The following ZNF692 variants were observed in gnomAD, a reference collection of about 807,000 sequenced individuals.
The protein encoded by ZNF692 is zinc finger protein 692, also known as AICAR responsive element binding protein.
ZNF692 carries 41 observed loss-of-function variants against 49.0 expected under a neutral mutation model. That is an observed-to-expected ratio of 0.84 (90% CI 0.65 to 1.08). The LOEUF is 1.08. Ranked by LOEUF, ZNF692 falls within the 50% of genes least tolerant of loss-of-function variation. The probability of loss-of-function intolerance (pLI) is 0.00; values close to 1 mark genes in which losing one functional copy is unlikely to be tolerated. For missense variants in ZNF692, 662 were observed against 662.2 expected, an observed-to-expected ratio of 1.00 and a Z score of 0.00; for synonymous variants, 288 against 251.5, an observed-to-expected ratio of 1.15 and a Z score of -1.37.
Position 248,858,243 on chromosome 1 carries a change from G to A in ZNF692, c.67C>T (p.Arg23Cys). The change falls in exon 2 of 12, where the codon CGC becomes TGC. Residue 23 changes from arginine to cysteine, a missense_variant. Physicochemically the swap from Arg to Cys is radical, Grantham distance 180. Transcript: ENST00000306601. The surrounding 1 kb of genome is among the most constrained non-coding windows in gnomAD (Gnocchi z 4.3). The part of the protein sequence containing the change: ...RREKRRQLDA[R>C]RSKCRIRLGG... Reference sequence around the variant, plus strand: ...AGGCGGATGCGGCACTTGCTGCGGCGCGCGTCCAGCTGCCGCCGCTTCTCC... The same window carrying A: ...AGGCGGATGCGGCACTTGCTGCGGCACGCGTCCAGCTGCCGCCGCTTCTCC... 1.9e-6 allele frequency: 3 copies of A among 1,586,042 alleles called. No individual in the cohort carries two copies. Among genetic ancestry groups the A allele is most frequent in the East Asian group, 2.3e-5 (1 of 43,808 alleles).
chr1:248,858,597 G>C lies in ZNF692; in HGVS notation c.-12-276C>G. The stretch of plus-strand genomic sequence containing the variant: ...CCCTCCAGTCCACTGAAGTGGAGCT[G>C]TGGGGAAGGGGCGAGAGACTTTCAC... On this transcript the variant is annotated intron_variant, in intron 1 of 11. Transcript: ENST00000306601. The surrounding 1 kb of genome is among the most constrained non-coding windows in gnomAD (Gnocchi z 4.3). 1 of 1,534,892 alleles carries C rather than the reference G, an allele frequency of 6.5e-7. No homozygotes were observed.
At position 248,858,634 on chromosome 1, in the gene ZNF692, A is replaced by C. The variant is rs1019015524; in HGVS notation, c.-13+284T>G. On this transcript the variant is annotated intron_variant, in intron 1 of 11. Transcript: ENST00000306601. The surrounding 1 kb of genome is among the most constrained non-coding windows in gnomAD (Gnocchi z 4.3). ...CGAGAGACTTTCACGGGAAATTTCAACTGGGCTGGGGGCGGTCCACACATT... is the reference window on the plus strand; with the variant it reads ...CGAGAGACTTTCACGGGAAATTTCACCTGGGCTGGGGGCGGTCCACACATT... 3 of 1,383,950 alleles carry C rather than the reference A, an allele frequency of 2.2e-6. No homozygotes were observed. Among genetic ancestry groups the C allele is most frequent in the South Asian group, 1.2e-5 (1 of 80,762 alleles). The allele number at this position is 1,383,950 out of a possible 1,614,324, so 85.7% of individuals were successfully genotyped here.
At position 248,858,677 on chromosome 1, in the gene ZNF692, G is replaced by T. The variant is rs1199890900; in HGVS notation, c.-13+241C>A. ...CACACATTTCATCTTGAATAGGGCA[G>T]CGGCCTTTACTGGTTTCTAGGGGAA... On this transcript the variant is annotated intron_variant, in intron 1 of 11. Coordinates refer to ENST00000306601, the MANE Select transcript of ZNF692 (RefSeq NM_017865.4). This position sits in a 1 kb window ranked among gnomAD's most constrained non-coding sequence, Gnocchi z 4.3. 1.1e-6 allele frequency: 1 copy of T among 935,926 alleles called. No individual in the cohort carries two copies. Among genetic ancestry groups the T allele is most frequent in the Non-Finnish European group, 1.7e-6 (1 of 595,374 alleles). The allele number at this position is 935,926 out of a possible 1,614,324, so 58.0% of individuals were successfully genotyped here.
At position 248,858,703 on chromosome 1, in the gene ZNF692, G is replaced by A; in HGVS notation, c.-13+215C>T. The A allele has an allele frequency of 1.3e-6, 1 of 770,280 alleles. No homozygotes were observed. Among genetic ancestry groups the A allele is most frequent in the Non-Finnish European group, 2.2e-6 (1 of 459,138 alleles). 47.7% of individuals were successfully genotyped at this position (770,280 alleles called of 1,614,324 possible). A position where few individuals can be genotyped will look rare whatever the true frequency, so the allele number is the denominator to read the frequency against. Reference sequence around the variant, plus strand: ...CGGCCTTTACTGGTTTCTAGGGGAAGGAAAGGTCGTGTCCTGGCGTGCAGC... The same window carrying A: ...CGGCCTTTACTGGTTTCTAGGGGAAAGAAAGGTCGTGTCCTGGCGTGCAGC... On this transcript the variant is annotated intron_variant, in intron 1 of 11. Coordinates refer to ENST00000306601, the MANE Select transcript of ZNF692 (RefSeq NM_017865.4). This position sits in a 1 kb window ranked among gnomAD's most constrained non-coding sequence, Gnocchi z 4.3.
intron 9 of ZNF692, 187 bp from the exon 10 acceptor site, chr1:248,854,238 A>T: frequency 1.8e-6 from 1 of 570,130 alleles, no homozygotes; most frequent in South Asian, 2.0e-5. Context: ...CACCATGAGT[A>T]CCACACCCAT....
intron 10 of ZNF692, among the ~76,000 whole-genome samples, chr1:248,852,218 T>C (rs1247077772): frequency 6.6e-6 from 1 of 152,122 alleles, no homozygotes; most frequent in Non-Finnish European, 1.5e-5. Context: ...CAGAAGACAT[T>C]TCACACCACC....
intron 6 of ZNF692, 27 bp from the exon 7 acceptor site, chr1:248,855,973 G>T: frequency 6.2e-7 from 1 of 1,606,464 alleles, no homozygotes; most frequent in Non-Finnish European, 8.5e-7. Context: ...GAGGAAGATG[G>T]CATTAACTTT....
chr1:248,853,004 AATTTCC>A (rs1659778238), intron 10 of ZNF692, among the ~76,000 whole-genome samples: 1 of 152,166 alleles, frequency 6.6e-6, no homozygotes, highest in Non-Finnish European at 1.5e-5. Context: ...TCTCAAATCA[AATTTCC>A]CTTCCCAAGC....
Position 248,856,525 on chromosome 1 carries a change from G to T in ZNF692, c.513C>A (p.Ala171=), listed in dbSNP as rs1204680542. The T allele has an allele frequency of 4.3e-6, 7 of 1,614,060 alleles. No individual in the cohort carries two copies. Among genetic ancestry groups the T allele is most frequent in the Non-Finnish European group, 5.1e-6 (6 of 1,180,044 alleles). The change falls in exon 5 of 12, where the codon GCC becomes GCA. Residue 171 remains alanine, a synonymous_variant. Coordinates refer to ENST00000306601, the MANE Select transcript of ZNF692 (RefSeq NM_017865.4). Reference sequence around the variant, plus strand: ...ATCCACATCCTCACCTGGGCAACCTGGCCTCTTGAGTCCTCTCATCATGCT... The same window carrying T: ...ATCCACATCCTCACCTGGGCAACCTTGCCTCTTGAGTCCTCTCATCATGCT... ...ESEHDERTQE[A]RLPRRVGPPP...
rs745869887 is a variant in ZNF692 at position 248,856,505 on chromosome 1, C to T, written c.524+9G>A. Reference sequence around the variant, plus strand: ...AATTCCGCCTTTTCTCTCCTATCCACATCCTCACCTGGGCAACCTGGCCTC... The same window carrying T: ...AATTCCGCCTTTTCTCTCCTATCCATATCCTCACCTGGGCAACCTGGCCTC... On this transcript the variant is annotated intron_variant, in intron 5 of 11. Coordinates refer to ENST00000306601, the MANE Select transcript of ZNF692 (RefSeq NM_017865.4). 2 of 1,614,270 alleles carry T rather than the reference C, an allele frequency of 1.2e-6. No individual in the cohort carries two copies. The highest frequency in any genetic ancestry group is 3.3e-5 in the Admixed American group (2 of 60,028).
chr1:248,850,941 C>A, intron 10 of ZNF692, 160 bp from the exon 11 acceptor site: 1 of 731,312 alleles, frequency 1.4e-6, no homozygotes. Context: ...GTCTGGACCT[C>A]CCTTACCTGA....
chr1:248,856,063 C>G (rs913379672), intron 6 of ZNF692, 117 bp from the exon 7 acceptor site: 58 of 1,238,744 alleles, frequency 4.7e-5, no homozygotes, highest in Non-Finnish European at 6.2e-5. Context: ...CTACCCCCAC[C>G]CTAGGCTCCC....
intron 10 of ZNF692, among the ~76,000 whole-genome samples, chr1:248,852,761 T>A (rs1659744246): frequency 6.6e-6 from 1 of 152,116 alleles, no homozygotes; most frequent in African/African-American, 2.4e-5. Flanking sequence ...CCTGGAGCAT[T>A]TTCTATACTC....
chr1:248,856,569 G>A lies in ZNF692; in HGVS notation c.476-7C>T. On this transcript the variant is annotated splice_polypyrimidine_tract_variant and splice_region_variant and intron_variant, in intron 4 of 11. Transcript: ENST00000306601. ...TCATGCTCAGATTCCAAATCTGTGG[G>A]ACAGGCAAAGTCAAAAGAGAAGGAA... 2 of 1,614,068 alleles carry A rather than the reference G, an allele frequency of 1.2e-6. No homozygotes were observed. Among genetic ancestry groups the A allele is most frequent in the African/African-American group, 2.7e-5 (2 of 75,054 alleles).
chr1:248,850,561 T>C (rs1659442507), intron 11 of ZNF692, 45 bp from the exon 12 acceptor site: 1 of 1,590,628 alleles, frequency 6.3e-7, no homozygotes, highest in African/African-American at 1.3e-5. Context: ...CCTCAGGCCA[T>C]CATGACTTCC....
Position 248,855,610 on chromosome 1 carries a change from G to A in ZNF692, c.907C>T (p.Pro303Ser). 1 of 1,614,166 alleles carries A rather than the reference G, an allele frequency of 6.2e-7. No homozygotes were observed. The highest frequency in any genetic ancestry group is 1.7e-5 in the Admixed American group (1 of 60,026). ...ASTGSQAQSA[P>S]TPAWDEDTAQ... Reference sequence around the variant, plus strand: ...GTGTCCTCATCCCAGGCCGGGGTTGGAGCAGACTGGGCCTGACTCCCAGTG... The same window carrying A: ...GTGTCCTCATCCCAGGCCGGGGTTGAAGCAGACTGGGCCTGACTCCCAGTG... The change falls in exon 8 of 12, where the codon CCA becomes TCA. Residue 303 changes from proline to serine, a missense_variant. Coordinates refer to ENST00000306601, the MANE Select transcript of ZNF692 (RefSeq NM_017865.4).
intron 4 of ZNF692, among the ~76,000 whole-genome samples, chr1:248,856,777 T>G (rs1191419071): frequency 6.6e-6 from 1 of 152,142 alleles, no homozygotes; most frequent in Non-Finnish European, 1.5e-5. Context: ...TGTGAACCAC[T>G]GCACCCAGGC....
rs1474130685 is a variant in ZNF692, at chr1:248,856,538, C to T, written c.500G>A (p.Arg167Lys). 2 of 1,614,198 alleles carry T rather than the reference C, an allele frequency of 1.2e-6. No individual in the cohort carries two copies. Among genetic ancestry groups the T allele is most frequent in the Non-Finnish European group, 1.7e-6 (2 of 1,180,042 alleles). The change falls in exon 5 of 12, where the codon AGG becomes AAG. Residue 167 changes from arginine (R) to lysine (K), a missense_variant. Coordinates refer to ENST00000306601, the MANE Select transcript of ZNF692 (RefSeq NM_017865.4). The part of the protein sequence containing the change: ...LADLESEHDE[R>K]TQEARLPRRV... ...CCTGGGCAACCTGGCCTCTTGAGTC[C>T]TCTCATCATGCTCAGATTCCAAATC...
rs546527639 is a variant in ZNF692, at chr1:248,854,873, C to T, written c.1038+507G>A. 2.0e-4 allele frequency among the ~76,000 whole-genome samples: 30 copies of T among 152,240 alleles called. No homozygotes were observed. The East Asian group carries it at 3.7e-3, about 19-fold the overall frequency. ...ATTCCTCTCTGTCATCTTCTGTGGG[C>T]GGCATTCTCCCCTGTCTGTCTACCC... On this transcript the variant is annotated intron_variant, in intron 9 of 11. Transcript: ENST00000306601.
Sources: gnomAD v4.1 joint callset for allele counts (sites outside exome capture counted in the v4.1 genomes callset) on GRCh38, gnomAD v4.1.1 for gene constraint, Gnocchi (gnomAD v3.1) non-coding constraint, MANE v1.5 for transcripts, NCBI Gene and HGNC (gene_info 2026-07-23, HGNC 2026-07-21) for gene names.